EPPK1: variants seen among roughly 807,000 people sequenced by gnomAD.
EPPK1 encodes epiplakin.
For synonymous variants in EPPK1, 1,862 were observed against 1,721.2 expected, an observed-to-expected ratio of 1.08 and a Z score of -2.03; for missense variants, 3,823 against 3,673.3, an observed-to-expected ratio of 1.04 and a Z score of -1.05.
chr8:143,857,844 A>T lies in EPPK1; in HGVS notation c.*143T>A. 1.6e-6 allele frequency: 1 copy of T among 644,630 alleles called. No homozygotes were observed. The highest frequency in any genetic ancestry group is 2.4e-6 in the Non-Finnish European group (1 of 409,816). The allele number at this position is 644,630 out of a possible 1,614,324, so 39.9% of individuals were successfully genotyped here. On this transcript the variant is annotated 3_prime_UTR_variant, in exon 2 of 2. Coordinates refer to ENST00000615648, the MANE Select transcript of EPPK1 (RefSeq NM_031308.4). ...AAAAGTTTCTGTCACATGACAACTT[A>T]AAACGTTTTCCACAGATAACGAATG... is the stretch of plus-strand genomic sequence containing the variant.
chr8:143,858,016 GC>G lies in EPPK1; in HGVS notation c.15237del (p.Leu5080SerfsTer58), dbSNP rs781899668. 3 of 1,609,864 alleles carry G rather than the reference GC, an allele frequency of 1.9e-6. No individual in the cohort carries two copies. The highest frequency in any genetic ancestry group is 2.7e-5 in the African/African-American group (2 of 74,854). On this transcript the variant is annotated frameshift_variant, in exon 2 of 2. Coordinates refer to ENST00000615648, the MANE Select transcript of EPPK1 (RefSeq NM_031308.4). LOFTEE classifies it low-confidence loss of function (END_TRUNC). ...LQRATLDPET[G>X]LLFLSLSLQ ...TGTAGAGAGAGAGAAAGAAATAGGA[GC>G]CCCGTCTCAGGGTCCAGGGTGGCCC...
chr8:143,869,633 C>A lies in EPPK1; in HGVS notation c.3621G>T (p.Trp1207Cys). ...GGGTGATGATGCCAGCATCCAGCAGCCAGACAGCGGGTACCTCACCCCGTG... is the reference window on the plus strand; with the variant it reads ...GGGTGATGATGCCAGCATCCAGCAGACAGACAGCGGGTACCTCACCCCGTG... ...PGPRGEVPAV[W>C]LLDAGIITQE... The change falls in exon 2 of 2, where the codon TGG (tryptophan) becomes TGT (cysteine). Residue 1207 changes from tryptophan (W) to cysteine (C), a missense_variant. Transcript: ENST00000615648. 3.2e-6 allele frequency: 5 copies of A among 1,583,726 alleles called. No individual in the cohort carries two copies. The South Asian group carries it at 4.6e-5, about 14-fold the overall frequency.
chr8:143,867,759 G>A lies in EPPK1; in HGVS notation c.5495C>T (p.Thr1832Ile). The A allele has an allele frequency of 1.2e-6, 2 of 1,613,724 alleles. No homozygotes were observed. The highest frequency in any genetic ancestry group is 1.7e-6 in the Non-Finnish European group (2 of 1,179,874). The change falls in exon 2 of 2, where the codon ACC (threonine) becomes ATC (isoleucine). Residue 1832 changes from threonine to isoleucine, a missense_variant. Physicochemically the swap from Thr to Ile is moderately conservative, Grantham distance 89. Coordinates refer to ENST00000615648, the MANE Select transcript of EPPK1 (RefSeq NM_031308.4). ...CGTCTCTGTTTCTTCAATTGTCGTG[G>A]TGATGATTTCCAGCAATTTCTCCAG... ...GGLEKLLEII[T>I]TTIEETETQN... is the part of the protein sequence containing the mutation.
chr8:143,869,189 G>A lies in EPPK1; in HGVS notation c.4065C>T (p.Leu1355=). The A allele has an allele frequency of 6.2e-7, 1 of 1,609,416 alleles. No individual in the cohort carries two copies. Among genetic ancestry groups the A allele is most frequent in the Non-Finnish European group, 8.5e-7 (1 of 1,179,666 alleles). Reference sequence around the variant, plus strand: ...CCCCTGTGGCCAGCTGCACCTGCAGGAGGGGCAAGCCCTCGTTCTGTGGCA... The same window carrying A: ...CCCCTGTGGCCAGCTGCACCTGCAGAAGGGGCAAGCCCTCGTTCTGTGGCA... ...GLVPQNEGLP[L]LQVQLATGGV... is the part of the protein sequence containing the mutation. Residue 1355 remains leucine, a synonymous_variant, in exon 2 of 2, where the codon CTC becomes CTT. Transcript: ENST00000615648.
Position 143,866,855 on chromosome 8 carries a change from C to T in EPPK1, c.6399G>A (p.Glu2133=), listed in dbSNP as rs1384553198. Residue 2133 remains glutamate (E), a synonymous_variant, in exon 2 of 2, where the codon GAG becomes GAA. Coordinates refer to ENST00000615648, the MANE Select transcript of EPPK1 (RefSeq NM_031308.4). ...TCCTCACCAGCTGGAGCTTCTTCTC[C>T]TCTGTCACGTATTCGGAATTCAGTA... ...WALLNSEYVT[E]EKKLQLVRMY... 2 of 1,613,240 alleles carry T rather than the reference C, an allele frequency of 1.2e-6. No individual in the cohort carries two copies. Among genetic ancestry groups the T allele is most frequent in the African/African-American group, 1.3e-5 (1 of 74,930 alleles).
chr8:143,878,995 C>G (rs540915642), upstream of EPPK1, among the ~76,000 whole-genome samples: 1 of 152,294 alleles, frequency 6.6e-6, no homozygotes, highest in African/African-American at 2.4e-5. Context: ...GGCCTCACCC[C>G]CCGGTCTGGC....
chr8:143,878,184 C>T (rs1210042229), intron 1 of EPPK1, among the ~76,000 whole-genome samples: 2 of 151,626 alleles, frequency 1.3e-5, no homozygotes, highest in African/African-American at 2.4e-5. Context: ...GCGCCCGGGA[C>T]TCAGGGGCGC....
rs782314559 is a variant in EPPK1, at chr8:143,869,547, G to T, written c.3707C>A (p.Pro1236Gln). Residue 1236 changes from proline to glutamine, a missense_variant, in exon 2 of 2, where the codon CCG becomes CAG. Coordinates refer to ENST00000615648, the MANE Select transcript of EPPK1 (RefSeq NM_031308.4). ...TQSPAQVAEQ[P>Q]AVKACLWGTG... ...GCCCCACAGGCAGGCCTTCACCGCC[G>T]GCTGCTCGGCGACCTGGGCGGGCGA... The T allele has an allele frequency of 6.4e-7, 1 of 1,558,930 alleles. No individual in the cohort carries two copies. The highest frequency in any genetic ancestry group is 8.7e-7 in the Non-Finnish European group (1 of 1,154,538).
Position 143,868,184 on chromosome 8 carries a change from G to T in EPPK1, c.5070C>A (p.Ile1690=). ...CGCGGTGGCTGTGCACGGGGTCGAT[G>T]ATGCCGCCCGTGGCGATCTGGGCCT... is the stretch of plus-strand genomic sequence containing the variant. ...LLEAQIATGG[I]IDPVHSHRVP... Residue 1690 remains isoleucine (I), a synonymous_variant, in exon 2 of 2, where the codon ATC becomes ATA. Transcript: ENST00000615648. 6.2e-7 allele frequency: 1 copy of T among 1,613,074 alleles called. No individual in the cohort carries two copies. The highest frequency in any genetic ancestry group is 8.5e-7 in the Non-Finnish European group (1 of 1,179,994).
chr8:143,867,860 G>A lies in EPPK1; in HGVS notation c.5394C>T (p.Asp1798=), dbSNP rs377154590. 1.9e-6 allele frequency: 3 copies of A among 1,613,008 alleles called. No homozygotes were observed. The highest frequency in any genetic ancestry group is 1.3e-5 in the African/African-American group (1 of 74,860). ...CTGTGAAGTATGGAGAGGACAGCAGGTCCCAGAAAGAGACCACCTGGTCAG... is the reference window on the plus strand; with the variant it reads ...CTGTGAAGTATGGAGAGGACAGCAGATCCCAGAAAGAGACCACCTGGTCAG... The part of the protein sequence containing the change: ...RFADQVVSFW[D]LLSSPYFTED... The change falls in exon 2 of 2, where the codon GAC becomes GAT. Residue 1798 remains aspartate, a synonymous_variant. Transcript: ENST00000615648.
Position 143,869,823 on chromosome 8 carries a change from AG to A in EPPK1, c.3430del (p.Leu1144SerfsTer33). 1 of 1,599,746 alleles carries A rather than the reference AG, an allele frequency of 6.3e-7. No homozygotes were observed. The highest frequency in any genetic ancestry group is 8.5e-7 in the Non-Finnish European group (1 of 1,174,400). ...AVPGAKDGTS[L>X]WDLLSSCHFT... The stretch of plus-strand genomic sequence containing the variant: ...GTGGCAGGAGCTGAGCAGGTCCCAG[AG>A]GGATGTGCCATCCTTGGCCCCCGGC... On this transcript the variant is annotated frameshift_variant, in exon 2 of 2. Transcript: ENST00000615648. LOFTEE classifies it low-confidence loss of function (END_TRUNC).
At position 143,868,119 on chromosome 8, in the gene EPPK1, T is replaced by C. The variant is rs371516576; in HGVS notation, c.5135A>G (p.Glu1712Gly). 1 of 1,613,200 alleles carries C rather than the reference T, an allele frequency of 6.2e-7. No individual in the cohort carries two copies. The highest frequency in any genetic ancestry group is 1.3e-5 in the African/African-American group (1 of 74,942). The part of the protein sequence containing the change: ...DVAYRCGYFD[E>G]EMNRILADPS... ...GTCCGCCAGGATGCGGTTCATCTCC[T>C]CGTCGAAGTAGCCGCAGCGGTAGGC... Residue 1712 changes from glutamate (E) to glycine (G), a missense_variant, in exon 2 of 2, where the codon GAG becomes GGG. Coordinates refer to ENST00000615648, the MANE Select transcript of EPPK1 (RefSeq NM_031308.4).
Position 143,869,862 on chromosome 8 carries a change from C to G in EPPK1, c.3392G>C (p.Ser1131Thr). The G allele has an allele frequency of 6.2e-7, 1 of 1,602,268 alleles. No individual in the cohort carries two copies. Among genetic ancestry groups the G allele is most frequent in the South Asian group, 1.1e-5 (1 of 89,108 alleles). ...ALPTEEQVQR[S>T]LQAVPGAKDG... ...CTTGGCCCCCGGCACGGCCTGCAGG[C>G]TCCTCTGGACCTGCTCCTCGGTGGG... The change falls in exon 2 of 2, where the codon AGC (serine) becomes ACC (threonine). Residue 1131 changes from serine to threonine, a missense_variant. Transcript: ENST00000615648.
At position 143,870,597 on chromosome 8, in the gene EPPK1, C is replaced by T. The variant is rs782321586; in HGVS notation, c.2657G>A (p.Arg886Gln). 1.2e-5 allele frequency: 19 copies of T among 1,608,214 alleles called. No homozygotes were observed. The highest frequency in any genetic ancestry group is 1.7e-4 in the Middle Eastern group (1 of 6,040). Residue 886 changes from arginine to glutamine, a missense_variant, in exon 2 of 2, where the codon CGG (arginine) becomes CAG (glutamine). Arg to Gln is a conservative substitution (Grantham distance 43, BLOSUM62 1). Coordinates refer to ENST00000615648, the MANE Select transcript of EPPK1 (RefSeq NM_031308.4). This position sits in a 1 kb window ranked among gnomAD's most constrained non-coding sequence, Gnocchi z 5.2. ...CTCCAGGAGCTGGTGGACGGTGACC[C>T]GGCTCCGCAGTGCGGGCAGCATGAT... ...ADIMLPALRS[R>Q]VTVHQLLEAG...
Position 143,871,272 on chromosome 8 carries a change from C to T in EPPK1, c.1982G>A (p.Gly661Glu). 6.2e-7 allele frequency: 1 copy of T among 1,612,968 alleles called. No individual in the cohort carries two copies. The highest frequency in any genetic ancestry group is 8.5e-7 in the Non-Finnish European group (1 of 1,179,852). ...GFIIDPKANK[G>E]HSVEEALRAA... ...CCTCAGTGCCTCCTCAACGGAGTGCCCCTTGTTTGCTTTTGGGTCGATGAT... is the reference window on the plus strand; with the variant it reads ...CCTCAGTGCCTCCTCAACGGAGTGCTCCTTGTTTGCTTTTGGGTCGATGAT... The change falls in exon 2 of 2, where the codon GGG (glycine) becomes GAG (glutamate). Residue 661 changes from glycine (G) to glutamate (E), a missense_variant. By Grantham distance (98) the Gly-to-Glu change is moderately conservative. Transcript: ENST00000615648.
At chr8:143,876,786 T>A (rs1819487419) in intron 1 of EPPK1, among the ~76,000 whole-genome samples, 1 of 151,874 alleles carries the variant, frequency 6.6e-6, no homozygotes, top group Non-Finnish European at 1.5e-5. Flanking sequence ...CCCTGTCCCC[T>A]GACATCCGGC....
At position 143,871,007 on chromosome 8, in the gene EPPK1, G is replaced by A. The variant is rs530032622; in HGVS notation, c.2247C>T (p.Phe749=). Residue 749 remains phenylalanine (F), a synonymous_variant, in exon 2 of 2, where the codon TTC becomes TTT. Transcript: ENST00000615648. ...PVDVAYRRGY[F]DQMLNLILLD... ...ACAGGATCAAGTTCAGCATCTGATC[G>A]AAGTAGCCGCGCCGGTAGGCCACGT... 529 of 1,613,282 alleles carry A rather than the reference G, an allele frequency of 3.3e-4. 4 individuals carry two copies. The South Asian group carries it at 3.5e-3, about 11-fold the overall frequency.
Position 143,866,233 on chromosome 8 carries a change from C to A in EPPK1, c.7021G>T (p.Ala2341Ser). Reference sequence around the variant, plus strand: ...ATGACGCCGCCCGTGGCGATCTGGGCCTCCAGCAGGCGGATGCCGTGCTCC... The same window carrying A: ...ATGACGCCGCCCGTGGCGATCTGGGACTCCAGCAGGCGGATGCCGTGCTCC... ...VREHGIRLLE[A>S]QIATGGVIDP... Residue 2341 changes from alanine to serine, a missense_variant, in exon 2 of 2, where the codon GCC (alanine) becomes TCC (serine). Transcript: ENST00000615648. 2 of 463,358 alleles carry A rather than the reference C, an allele frequency of 4.3e-6. No individual in the cohort carries two copies. Among genetic ancestry groups the A allele is most frequent in the Non-Finnish European group, 7.2e-6 (2 of 278,372 alleles). 28.7% of individuals were successfully genotyped at this position (463,358 alleles called of 1,614,324 possible).
Position 143,869,109 on chromosome 8 carries a change from A to C in EPPK1, c.4145T>G (p.Leu1382Arg), listed in dbSNP as rs1819245004. The change falls in exon 2 of 2, where the codon CTC (leucine) becomes CGC (arginine). Residue 1382 changes from leucine (L) to arginine (R), a missense_variant. Coordinates refer to ENST00000615648, the MANE Select transcript of EPPK1 (RefSeq NM_031308.4). ...VHLPQAAACR[L>R]GLLDTQTSQV... ...GCTCGTCTGTGTGTCCAGAAGGCCGAGTCTGCAGGCTGCCGCCTGGGGCAG... is the reference window on the plus strand; with the variant it reads ...GCTCGTCTGTGTGTCCAGAAGGCCGCGTCTGCAGGCTGCCGCCTGGGGCAG... The C allele has an allele frequency of 6.2e-7, 1 of 1,606,588 alleles. No homozygotes were observed. The highest frequency in any genetic ancestry group is 8.5e-7 in the Non-Finnish European group (1 of 1,179,724).
Sources: allele counts gnomAD v4.1 joint callset (sites outside exome capture counted in the v4.1 genomes callset), GRCh38; gene constraint gnomAD v4.1.1; non-coding constraint Gnocchi (gnomAD v3.1); transcripts MANE v1.5; gene names NCBI Gene and HGNC (gene_info 2026-07-23, HGNC 2026-07-21).